CABP5: variants seen among roughly 807,000 people sequenced by gnomAD.
CABP5 encodes the protein calcium binding protein 5.
A neutral mutation model predicts 21.9 loss-of-function variants in CABP5; 17 were observed. The ratio of observed to expected loss-of-function variants is 0.78; its 90% CI spans 0.53 to 1.17. CABP5 has a LOEUF of 1.17. Ranked by LOEUF, CABP5 falls within the 50% of genes most tolerant of loss-of-function variation. The pLI, the probability that CABP5 is intolerant of heterozygous loss-of-function variation, is 0.00. For synonymous variants in CABP5, 85 were observed against 79.4 expected (o/e 1.07, Z -0.37); for missense variants, 229 against 228.9 (o/e 1.00, Z 0.00).
Position 48,043,851 on chromosome 19 carries a change from C to G in CABP5, c.63+9G>C. 1.3e-6 allele frequency: 2 copies of G among 1,500,382 alleles called. No individual in the cohort carries two copies. Among genetic ancestry groups the G allele is most frequent in the Admixed American group, 2.6e-5 (1 of 38,820 alleles). 92.9% of individuals were successfully genotyped at this position (1,500,382 alleles called of 1,614,324 possible). ...GCCCACCGCCCTTCCCCCTCACTCC[C>G]CACCTCACCCGCTGTTTCTCAGCAA... On this transcript the variant is annotated intron_variant, in intron 1 of 5. Transcript: ENST00000293255.
At chr19:48,036,407 A>G (rs983454940) in intron 4 of CABP5, among the ~76,000 whole-genome samples, 1 of 152,170 alleles carries the variant, frequency 6.6e-6, no homozygotes, top group Non-Finnish European at 1.5e-5. Context: ...ATTTAAATAT[A>G]TACCACGCAG....
chr19:48,037,431 G>A (rs574771219), intron 4 of CABP5, among the ~76,000 whole-genome samples: 4 of 151,650 alleles, frequency 2.6e-5, no homozygotes, highest in South Asian at 2.1e-4. Flanking sequence ...ACCACGCCTA[G>A]CTAATTTTGT....
rs758200569 is a variant in CABP5 at position 48,043,826 on chromosome 19, GCCCACCGCCCTTCCCCCTCACTC to G, written c.63+11_63+33del. The G allele has an allele frequency of 6.9e-7, 1 of 1,457,098 alleles. No homozygotes were observed. Among genetic ancestry groups the G allele is most frequent in the Non-Finnish European group, 9.1e-7 (1 of 1,102,264 alleles). The allele number at this position is 1,457,098 out of a possible 1,614,324, so 90.3% of individuals were successfully genotyped here. On this transcript the variant is annotated intron_variant, in intron 1 of 5. Coordinates refer to ENST00000293255, the MANE Select transcript of CABP5 (RefSeq NM_019855.5). ...CCCACACCCCTGCTCCCTTTGCCCCGCCCACCGCCCTTCCCCCTCACTCCCCACCTCACCCGCTGTTTCTCAGC... is the reference window on the plus strand; with the variant it reads ...CCCACACCCCTGCTCCCTTTGCCCCGCCCACCTCACCCGCTGTTTCTCAGC...
chr19:48,040,233 A>G (rs892626534), intron 3 of CABP5, among the ~76,000 whole-genome samples: 1 of 152,192 alleles, frequency 6.6e-6, no homozygotes, highest in African/African-American at 2.4e-5. Context: ...CTGGAGGCTA[A>G]GACTTTAACT....
intron 5 of CABP5, among the ~76,000 whole-genome samples, chr19:48,032,365 C>T (rs958576960): frequency 7.4e-5 from 11 of 148,212 alleles, no homozygotes; most frequent in African/African-American, 1.5e-4. Flanking sequence ...GACGGAGTCT[C>T]GCTCTGTCAC....
In CABP5 at chr19:48,043,990, A is replaced by G. The variant is rs1967517797; in HGVS notation, c.-68T>C. ...GCCCCTCCTCCCTGCTCCCTGTCGGAGCTCAGCCTCCTTATCTTCTCCAGC... is the reference window on the plus strand; with the variant it reads ...GCCCCTCCTCCCTGCTCCCTGTCGGGGCTCAGCCTCCTTATCTTCTCCAGC... On this transcript the variant is annotated 5_prime_UTR_variant, in exon 1 of 6. Transcript: ENST00000293255. 2 of 1,376,066 alleles carry G rather than the reference A, an allele frequency of 1.5e-6. No homozygotes were observed. Among genetic ancestry groups the G allele is most frequent in the Non-Finnish European group, 2.0e-6 (2 of 1,022,018 alleles). The allele number at this position is 1,376,066 out of a possible 1,614,324, so 85.2% of individuals were successfully genotyped here.
At chr19:48,030,705 C>G in intron 5 of CABP5, 123 bp from the exon 6 acceptor site, 1 of 861,950 alleles carries the variant, frequency 1.2e-6, no homozygotes, top group African/African-American at 1.7e-5. Flanking sequence ...CTTAATCCCT[C>G]TATGCTTCCA....
intron 5 of CABP5, among the ~76,000 whole-genome samples, chr19:48,033,998 T>G (rs914314986): frequency 1.1e-4 from 17 of 152,156 alleles, no homozygotes; most frequent in South Asian, 6.2e-4. Context: ...GAGGTGTTCC[T>G]CGGAGCCACC....
At chr19:48,043,449 T>A (rs1967507733) in intron 1 of CABP5, among the ~76,000 whole-genome samples, 4 of 134,456 alleles carry the variant, frequency 3.0e-5, no homozygotes, top group Non-Finnish European at 4.8e-5. Flanking sequence ...GGTGTGCAAA[T>A]CCCTTTGCAC....
In CABP5 at chr19:48,034,355, G is replaced by C. The variant is rs773517909; in HGVS notation, c.356C>G (p.Thr119Arg). The C allele has an allele frequency of 7.1e-6, 11 of 1,555,010 alleles. No homozygotes were observed. Among genetic ancestry groups the C allele is most frequent in the Non-Finnish European group, 9.5e-6 (11 of 1,152,012 alleles). ...EMRDAFKEFD[T>R]NGDGEITLVE... ...CAGGGTGATCTCCCCATCTCCATTC[G>C]TGTCAAACTGAATAGAAGCAGAAAT... is the stretch of plus-strand genomic sequence containing the variant. The change falls in exon 5 of 6, where the codon ACG becomes AGG. Residue 119 changes from threonine (T) to arginine (R), a missense_variant. Thr to Arg is a moderately conservative substitution (Grantham distance 71, BLOSUM62 -1). Coordinates refer to ENST00000293255, the MANE Select transcript of CABP5 (RefSeq NM_019855.5).
At chr19:48,032,342 T>TC (rs1320134166) in intron 5 of CABP5, among the ~76,000 whole-genome samples, 4 of 151,136 alleles carry the variant, frequency 2.6e-5, no homozygotes, top group Non-Finnish European at 5.9e-5. Context: ...GACTTTTTTT[T>TC]TTTTTTTCTG....
At chr19:48,033,005 C>G (rs1160950089) in intron 5 of CABP5, among the ~76,000 whole-genome samples, 3 of 143,288 alleles carry the variant, frequency 2.1e-5, no homozygotes, top group Non-Finnish European at 4.5e-5. Context: ...ACAATTAGAA[C>G]TTGACATGCT....
intron 5 of CABP5, among the ~76,000 whole-genome samples, chr19:48,031,004 T>A (rs957225073): frequency 3.9e-5 from 6 of 152,092 alleles, no homozygotes; most frequent in Non-Finnish European, 7.4e-5. Context: ...TAAAATTTGC[T>A]CAGAACCGTG....
chr19:48,038,155 T>C (rs545950921), intron 4 of CABP5, among the ~76,000 whole-genome samples: 44 of 152,126 alleles, frequency 2.9e-4, no homozygotes, highest in Non-Finnish European at 5.4e-4. Flanking sequence ...GACCTTGTGA[T>C]CCACCTGCAT....
intron 4 of CABP5, among the ~76,000 whole-genome samples, chr19:48,036,019 A>G (rs1207641177): frequency 6.6e-6 from 1 of 152,210 alleles, no homozygotes; most frequent in Non-Finnish European, 1.5e-5. Flanking sequence ...GAGGGCCGCC[A>G]TGATCATCCT....
chr19:48,036,546 G>A (rs903496669), intron 4 of CABP5, among the ~76,000 whole-genome samples: 9 of 152,208 alleles, frequency 5.9e-5, no homozygotes, highest in Non-Finnish European at 1.3e-4. Flanking sequence ...ATTGTACCAT[G>A]GGTATAAAGT....
At chr19:48,034,385 T>C in intron 4 of CABP5, 23 bp from the exon 5 acceptor site, 4 of 1,478,196 alleles carry the variant, frequency 2.7e-6, no homozygotes, top group Non-Finnish European at 3.6e-6. Flanking sequence ...AGAAATAGAT[T>C]ATATCAGCAA....
intron 3 of CABP5, among the ~76,000 whole-genome samples, chr19:48,039,777 G>A (rs533417455): frequency 9.7e-4 from 131 of 134,410 alleles, no homozygotes; most frequent in African/African-American, 3.2e-3. Flanking sequence ...GCAATGGTGC[G>A]ATCTCGGCTC....
intron 2 of CABP5, 133 bp downstream of exon 2, chr19:48,041,440 A>T: frequency 1.1e-6 from 1 of 874,342 alleles, no homozygotes; most frequent in Non-Finnish European, 1.8e-6. Context: ...CTACAAAATT[A>T]CAGTTGAGTG....
Sources: allele counts gnomAD v4.1 joint callset (sites outside exome capture counted in the v4.1 genomes callset), GRCh38; gene constraint gnomAD v4.1.1; transcripts MANE v1.5; gene names NCBI Gene and HGNC (gene_info 2026-07-23, HGNC 2026-07-21).